The following ZMAT1 variants were observed in gnomAD, a reference collection of about 807,000 sequenced individuals.
ZMAT1 encodes zinc finger matrin-type protein 1.
A neutral mutation model predicts 18.5 loss-of-function variants in ZMAT1; 11 were observed. That is an observed-to-expected ratio of 0.59 (90% CI 0.37 to 0.98). The LOEUF is 0.98. Ranked by LOEUF, ZMAT1 falls within the 50% of genes least tolerant of loss-of-function variation. The pLI, the probability that ZMAT1 is intolerant of heterozygous loss-of-function variation, is 0.01. For missense variants in ZMAT1, 525 were observed against 496.2 expected (o/e 1.06, Z -0.55); for synonymous variants, 211 against 176.4 (o/e 1.20, Z -1.55).
intron 5 of ZMAT1, among the ~76,000 whole-genome samples, chrX:101,886,184 C>T (rs1418818090): frequency 9.0e-6 from 1 of 111,424 alleles, no homozygotes; most frequent in Non-Finnish European, 1.9e-5. Context: ...AAGAACTGAC[C>T]AAAGTTATAC....
chrX:101,928,935 AATGAAAT>A (rs758750972), intron 1 of ZMAT1, among the ~76,000 whole-genome samples: 43 of 111,666 alleles, frequency 3.9e-4, no homozygotes, highest in Admixed American at 8.6e-4. Flanking sequence ...ATTTTTGAAA[AATGAAAT>A]ATGAAGTGTC....
chrX:101,919,796 A>T (rs959952317), intron 1 of ZMAT1, among the ~76,000 whole-genome samples: 4 of 111,590 alleles, frequency 3.6e-5, no homozygotes, highest in African/African-American at 1.3e-4. Context: ...CGGAAAGCTT[A>T]GAATAAAGCC....
At chrX:101,920,624 A>G (rs753662961) in intron 1 of ZMAT1, among the ~76,000 whole-genome samples, 1 of 112,379 alleles carries the variant, frequency 8.9e-6, no homozygotes, top group South Asian at 3.6e-4. Flanking sequence ...AAAAAGAAAA[A>G]TTAAAATGTA....
chrX:101,907,599 G>A (rs1197938805), intron 1 of ZMAT1, among the ~76,000 whole-genome samples: 3 of 111,944 alleles, frequency 2.7e-5, no homozygotes, highest in Admixed American at 9.4e-5. Flanking sequence ...CTATACAAAC[G>A]GTCTGACAAA....
intron 1 of ZMAT1, among the ~76,000 whole-genome samples, chrX:101,927,054 C>G (rs1225728374): frequency 8.9e-6 from 1 of 112,397 alleles, no homozygotes; most frequent in Non-Finnish European, 1.9e-5. Context: ...ATTACAAAAT[C>G]TGAGAAATAA....
intron 2 of ZMAT1, 73 bp from the exon 3 acceptor site, chrX:101,898,293 G>A (rs1420722042): frequency 1.1e-6 from 1 of 900,033 alleles, no homozygotes; most frequent in East Asian, 3.3e-5. Flanking sequence ...TTCTGAATTT[G>A]AGGATGGCAT....
chrX:101,910,258 C>T (rs1158178576), intron 1 of ZMAT1, among the ~76,000 whole-genome samples: 1 of 112,618 alleles, frequency 8.9e-6, no homozygotes, highest in Non-Finnish European at 1.9e-5. Context: ...TAGATCACAA[C>T]ACCCAGGTCC....
At chrX:101,922,151 A>G (rs6621246) in intron 1 of ZMAT1, among the ~76,000 whole-genome samples, 4 of 110,831 alleles carry the variant, frequency 3.6e-5, no homozygotes, top group Admixed American at 1.9e-4. Flanking sequence ...GTTTCCACTG[A>G]GAACAAATTT....
Position 101,883,524 on chromosome X carries a change from T to G in ZMAT1, c.2074A>C (p.Ile692Leu). ...AAACTAAACATTCAAAATCCAAGAA[T>G]AGACTCATCCCAAAGCATTTCCTCT... ...TEEEMLWDES[I>L]LGF Residue 692 changes from isoleucine to leucine, a missense_variant, in exon 6 of 6, where the codon ATT (isoleucine) becomes CTT (leucine). Ile to Leu is a conservative substitution (Grantham distance 5). Coordinates refer to ENST00000651725, the MANE Select transcript of ZMAT1 (RefSeq NM_001394560.1). 1 of 1,186,833 alleles carries G rather than the reference T, an allele frequency of 8.4e-7. No individual in the cohort carries two copies. Among genetic ancestry groups the G allele is most frequent in the Non-Finnish European group, 1.1e-6 (1 of 887,058 alleles).
At chrX:101,895,671 G>GT (rs67043168) in intron 4 of ZMAT1, 21,269 of 120,388 alleles carry the variant, frequency 0.18, 1,397 homozygotes, top group African/African-American at 0.21. Context: ...TTTCTTTTGT[G>GT]TTTTTTTTTT....
intron 1 of ZMAT1, among the ~76,000 whole-genome samples, chrX:101,915,021 A>T (rs1270267128): frequency 1.8e-5 from 2 of 111,673 alleles, no homozygotes; most frequent in African/African-American, 6.5e-5. Context: ...CCGGGATGCA[A>T]GGATGGTTCA....
chrX:101,910,419 A>T (rs935544889), intron 1 of ZMAT1, among the ~76,000 whole-genome samples: 1 of 112,636 alleles, frequency 8.9e-6, no homozygotes, highest in African/African-American at 3.2e-5. Context: ...ACCTCACCAA[A>T]TAAACTTAAA....
At chrX:101,910,138 T>C (rs764629833) in intron 1 of ZMAT1, among the ~76,000 whole-genome samples, 3 of 112,509 alleles carry the variant, frequency 2.7e-5, no homozygotes, top group African/African-American at 6.4e-5. Flanking sequence ...TGCCTGGTCA[T>C]ATAGAGAATT....
At chrX:101,929,417 G>GATTATATATAT (rs1333708989) in intron 1 of ZMAT1, among the ~76,000 whole-genome samples, 5 of 36,914 alleles carry the variant, frequency 1.4e-4, no homozygotes, top group African/African-American at 4.3e-4. Flanking sequence ...TATATATAGA[G>GATTATATATAT]AGAGATTATA....
chrX:101,896,342 A>C (rs767425034), intron 4 of ZMAT1, among the ~76,000 whole-genome samples: 6 of 111,960 alleles, frequency 5.4e-5, no homozygotes, highest in African/African-American at 1.9e-4. Context: ...CTACAATTCC[A>C]GTATTTCATA....
intron 1 of ZMAT1, among the ~76,000 whole-genome samples, chrX:101,907,770 G>C (rs183322239): frequency 6.7e-4 from 75 of 111,449 alleles, no homozygotes; most frequent in African/African-American, 2.4e-3. Context: ...AAAATACAAT[G>C]AATGAAATGA....
chrX:101,914,533 A>G (rs1201641105), intron 1 of ZMAT1, among the ~76,000 whole-genome samples: 2 of 111,384 alleles, frequency 1.8e-5, no homozygotes, highest in African/African-American at 6.5e-5. Context: ...CTGATACCGC[A>G]GAAATTCAAA....
At chrX:101,926,302 T>C (rs1342241996) in intron 1 of ZMAT1, among the ~76,000 whole-genome samples, 2 of 111,920 alleles carry the variant, frequency 1.8e-5, no homozygotes, top group Non-Finnish European at 3.8e-5. Flanking sequence ...AGCAAAGAGA[T>C]TGACTTGACA....
At chrX:101,906,676 G>GGCCCT (rs1802974659) in intron 1 of ZMAT1, among the ~76,000 whole-genome samples, 1 of 111,361 alleles carries the variant, frequency 9.0e-6, no homozygotes, top group Admixed American at 9.4e-5. Flanking sequence ...GTCCCAGGCT[G>GGCCCT]GCCCTGTGGC....
Sources: gnomAD v4.1 joint callset for allele counts (sites outside exome capture counted in the v4.1 genomes callset) on GRCh38, gnomAD v4.1.1 for gene constraint, MANE v1.5 for transcripts, NCBI Gene and HGNC (gene_info 2026-07-23, HGNC 2026-07-21) for gene names.